TANGO6: variants seen among roughly 807,000 people sequenced by gnomAD.
TANGO6 encodes transport and golgi organization 6 homolog.
Under a neutral mutation model 114.2 loss-of-function variants are expected in TANGO6, and 90 were observed. The observed-to-expected ratio is 0.79, with a 90% CI of 0.66 to 0.94. The LOEUF is 0.94. Ranked by LOEUF, TANGO6 falls within the 40% of genes least tolerant of loss-of-function variation. The pLI, the probability that TANGO6 is intolerant of heterozygous loss-of-function variation, is 0.00. For missense variants in TANGO6, 1,274 were observed against 1,315.3 expected (o/e 0.97, Z 0.49); for synonymous variants, 477 against 509.8 (o/e 0.94, Z 0.87).
intron 17 of TANGO6, among the ~76,000 whole-genome samples, chr16:69,061,735 CG>C (rs1388005708): frequency 1.3e-5 from 2 of 151,320 alleles, no homozygotes; most frequent in African/African-American, 2.4e-5. Context: ...AATGCATTTC[CG>C]GCCGGGCGCG....
At chr16:69,046,560 C>T (rs912885061) in intron 17 of TANGO6, among the ~76,000 whole-genome samples, 2 of 152,018 alleles carry the variant, frequency 1.3e-5, no homozygotes, top group African/African-American at 4.8e-5. Context: ...AGGTGATCTG[C>T]CCGCCTCAGC....
intron 12 of TANGO6, among the ~76,000 whole-genome samples, chr16:68,921,897 T>C (rs1963099289): frequency 6.6e-6 from 1 of 152,158 alleles, no homozygotes; most frequent in Non-Finnish European, 1.5e-5. Flanking sequence ...TCACCCCCTA[T>C]ACCTTTGCCC....
At chr16:68,928,189 C>T in intron 13 of TANGO6, 106 bp downstream of exon 13, 1 of 1,334,894 alleles carries the variant, frequency 7.5e-7, no homozygotes, top group South Asian at 1.6e-5. Flanking sequence ...TCTGGACCAC[C>T]CTCCAGAAAT....
intron 14 of TANGO6, among the ~76,000 whole-genome samples, chr16:68,952,742 C>G (rs1407806096): frequency 8.5e-5 from 13 of 152,056 alleles, no homozygotes; most frequent in East Asian, 1.9e-4. Flanking sequence ...CTCTCCTGCC[C>G]CAGAGGAGGA....
chr16:68,928,129 T>C, intron 13 of TANGO6, 46 bp downstream of exon 13: 4 of 1,492,690 alleles, frequency 2.7e-6, no homozygotes, highest in Non-Finnish European at 3.6e-6. Context: ...GGGTGGGGCA[T>C]TCATTCAACT....
At chr16:68,927,444 T>G in intron 12 of TANGO6, 124 bp from the exon 13 acceptor site, 1 of 1,026,964 alleles carries the variant, frequency 9.7e-7, no homozygotes, top group Non-Finnish European at 1.4e-6. Flanking sequence ...GGCAATACAC[T>G]GATTACACCA....
Position 68,932,007 on chromosome 16 carries a change from G to A in TANGO6, c.2701+1712G>A, listed in dbSNP as rs1963246945. Among the ~76,000 whole-genome samples the A allele has an allele frequency of 2.0e-5, 3 of 151,512 alleles. No homozygotes were observed. The South Asian group carries it at 6.2e-4, about 31-fold the overall frequency. On this transcript the variant is annotated intron_variant, in intron 14 of 17. Coordinates refer to ENST00000261778, the MANE Select transcript of TANGO6 (RefSeq NM_024562.2). ...GTACAGGCATCAGCCACCACGCCCA[G>A]CCGAGTTACGAACTTTAAATGGGTG...
At chr16:68,911,564 A>G (rs1962923403) in intron 11 of TANGO6, among the ~76,000 whole-genome samples, 1 of 151,888 alleles carries the variant, frequency 6.6e-6, no homozygotes, top group Non-Finnish European at 1.5e-5. Context: ...TTACAGGCAC[A>G]TGCCACCACG....
chr16:68,844,205 C>A (rs911870800), intron 1 of TANGO6, among the ~76,000 whole-genome samples: 6 of 152,106 alleles, frequency 3.9e-5, no homozygotes, highest in Admixed American at 1.3e-4. Context: ...GGTTACCAGG[C>A]GCTTTTAATC....
intron 16 of TANGO6, among the ~76,000 whole-genome samples, chr16:69,025,690 T>C (rs1203905643): frequency 1.3e-5 from 2 of 152,086 alleles, no homozygotes; most frequent in African/African-American, 4.8e-5. Flanking sequence ...TTGCACTGGG[T>C]ACCTGCCCCT....
intron 15 of TANGO6, among the ~76,000 whole-genome samples, chr16:69,004,850 A>G (rs1332106557): frequency 6.6e-6 from 1 of 152,168 alleles, no homozygotes; most frequent in Non-Finnish European, 1.5e-5. Flanking sequence ...TCCCACTGCA[A>G]ATTCTCACCT....
Position 68,935,851 on chromosome 16 carries a change from CAG to C in TANGO6, c.2701+5558_2701+5559del, listed in dbSNP as rs576133785. Among the ~76,000 whole-genome samples, 60 of 152,202 alleles carry C rather than the reference CAG, an allele frequency of 3.9e-4. No individual in the cohort carries two copies. In the South Asian group the frequency reaches 8.5e-3, roughly 22 times the overall value. ...AGAATGAAGTATATAAGGTAAAAGG[CAG>C]AAGCCCTTCTCTTTTCCAAAATGGG... is the stretch of plus-strand genomic sequence containing the variant. On this transcript the variant is annotated intron_variant, in intron 14 of 17. Transcript: ENST00000261778.
At chr16:69,006,678 A>G (rs1964094467) in intron 15 of TANGO6, among the ~76,000 whole-genome samples, 1 of 152,068 alleles carries the variant, frequency 6.6e-6, no homozygotes, top group African/African-American at 2.4e-5. Flanking sequence ...TTGAACCTGG[A>G]AGGCGGTGGT....
intron 14 of TANGO6, among the ~76,000 whole-genome samples, chr16:68,938,959 C>A (rs774993309): frequency 1.3e-5 from 2 of 150,834 alleles, no homozygotes; most frequent in Non-Finnish European, 2.9e-5. Flanking sequence ...GTAACCCCAA[C>A]ACTTTGGGAG....
intron 11 of TANGO6, among the ~76,000 whole-genome samples, chr16:68,918,136 A>G (rs368662625): frequency 2.6e-5 from 4 of 151,858 alleles, no homozygotes; most frequent in Admixed American, 1.3e-4. Context: ...CTCGACTCCT[A>G]ACCTCAAGTG....
intron 9 of TANGO6, among the ~76,000 whole-genome samples, chr16:68,905,846 C>T (rs1019191166): frequency 1.3e-5 from 2 of 152,002 alleles, no homozygotes; most frequent in African/African-American, 2.4e-5. Flanking sequence ...GCACTCCAGC[C>T]TAGGCAATGA....
intron 4 of TANGO6, among the ~76,000 whole-genome samples, chr16:68,874,331 G>A (rs964010301): frequency 9.9e-5 from 15 of 152,166 alleles, no homozygotes; most frequent in Non-Finnish European, 1.3e-4. Flanking sequence ...TCTCCAGTCA[G>A]TGAACGAGGG....
At chr16:68,889,618 A>C (rs1273387019) in intron 7 of TANGO6, among the ~76,000 whole-genome samples, 1 of 152,186 alleles carries the variant, frequency 6.6e-6, no homozygotes, top group African/African-American at 2.4e-5. Context: ...TTGAATTACA[A>C]GCAAAAGACC....
At chr16:68,906,987 G>A (rs1249284538) in intron 9 of TANGO6, among the ~76,000 whole-genome samples, 2 of 151,432 alleles carry the variant, frequency 1.3e-5, no homozygotes, top group Admixed American at 6.6e-5. Context: ...TAGAGACGGG[G>A]TTTCACCATG....
Sources: gnomAD v4.1 joint callset for allele counts (sites outside exome capture counted in the v4.1 genomes callset) on GRCh38, gnomAD v4.1.1 for gene constraint, MANE v1.5 for transcripts, NCBI Gene and HGNC (gene_info 2026-07-23, HGNC 2026-07-21) for gene names.